Variants in CPEB3 observed in about 807,000 individuals in gnomAD.
CPEB3 encodes cytoplasmic polyadenylation element-binding protein 3.
Under a neutral mutation model 67.2 loss-of-function variants are expected in CPEB3, and 20 were observed. The ratio of observed to expected loss-of-function variants is 0.30; its 90% CI spans 0.21 to 0.43. CPEB3 has a LOEUF of 0.43. Ranked by LOEUF, CPEB3 falls within the 20% of genes least tolerant of loss-of-function variation. CPEB3 has a pLI of 1.00. For synonymous variants in CPEB3, 376 were observed against 393.1 expected (o/e 0.96, Z 0.51); for missense variants, 746 against 968.6 (o/e 0.77, Z 3.05).
At chr10:92,143,682 C>A (rs1386577901) in intron 5 of CPEB3, among the ~76,000 whole-genome samples, 1 of 152,102 alleles carries the variant, frequency 6.6e-6, no homozygotes, top group Non-Finnish European at 1.5e-5. Flanking sequence ...TAGATCAATA[C>A]ATTTATATTT....
chr10:92,130,767 A>G (rs994408157), intron 6 of CPEB3, among the ~76,000 whole-genome samples: 1 of 152,100 alleles, frequency 6.6e-6, no homozygotes, highest in Non-Finnish European at 1.5e-5. Flanking sequence ...ATCTGCACCA[A>G]GGTAAACTTG....
chr10:92,118,759 A>T (rs1845170703), intron 6 of CPEB3: 1 of 753,512 alleles, frequency 1.3e-6, no homozygotes, highest in African/African-American at 1.7e-5. Flanking sequence ...CCACAGGCAA[A>T]CAAGAGATGG....
chr10:92,228,859 G>A (rs1467925466), intron 2 of CPEB3, among the ~76,000 whole-genome samples: 2 of 136,804 alleles, frequency 1.5e-5, no homozygotes, highest in Non-Finnish European at 3.2e-5. Flanking sequence ...GATTACAGGT[G>A]CATGCCACCA....
At chr10:92,282,187 A>T (rs1842325472) in intron 1 of CPEB3, among the ~76,000 whole-genome samples, 1 of 152,222 alleles carries the variant, frequency 6.6e-6, no homozygotes, top group Non-Finnish European at 1.5e-5. Context: ...AATGAAAAGT[A>T]ATGGGTCTCC....
intron 2 of CPEB3, among the ~76,000 whole-genome samples, chr10:92,211,309 A>C (rs577102727): frequency 2.6e-5 from 4 of 152,186 alleles, no homozygotes; most frequent in Non-Finnish European, 5.9e-5. Flanking sequence ...GAAAACTCTT[A>C]CATTGTCTTT....
chr10:92,235,850 T>C (rs1274386973), intron 2 of CPEB3, among the ~76,000 whole-genome samples: 2 of 152,228 alleles, frequency 1.3e-5, no homozygotes, highest in African/African-American at 2.4e-5. Flanking sequence ...GAATAGGTGC[T>C]CTCAAAAGTC....
chr10:92,239,445 C>A lies in CPEB3; in HGVS notation c.906G>T (p.Ala302=). 3 of 1,599,932 alleles carry A rather than the reference C, an allele frequency of 1.9e-6. No individual in the cohort carries two copies. The highest frequency in any genetic ancestry group is 1.3e-5 in the African/African-American group (1 of 74,936). The part of the protein sequence containing the change: ...LKKPFSSNVI[A]PPKFPRAAPL... The stretch of plus-strand genomic sequence containing the variant: ...GGGCCGCGCGAGGGAACTTGGGCGG[C>A]GCGATCACGTTGCTGGAGAAGGGCT... The change falls in exon 2 of 10, where the codon GCG becomes GCT. Residue 302 remains alanine, a synonymous_variant. Transcript: ENST00000265997. This position sits in a 1 kb window ranked among gnomAD's most constrained non-coding sequence, Gnocchi z 6.0.
chr10:92,250,055 A>C (rs1370917761), intron 1 of CPEB3, among the ~76,000 whole-genome samples: 2 of 151,228 alleles, frequency 1.3e-5, no homozygotes, highest in Non-Finnish European at 2.9e-5. Flanking sequence ...ATAGCTATAC[A>C]ATATATTTTT....
intron 2 of CPEB3, among the ~76,000 whole-genome samples, chr10:92,207,116 G>A (rs1849829673): frequency 6.6e-6 from 1 of 152,054 alleles, no homozygotes; most frequent in South Asian, 2.1e-4. Context: ...CTGAGTAGCT[G>A]GGACCACAGG....
chr10:92,205,370 T>G (rs1486035662), intron 2 of CPEB3, among the ~76,000 whole-genome samples: 1 of 152,032 alleles, frequency 6.6e-6, no homozygotes, highest in South Asian at 2.1e-4. Flanking sequence ...CTGATGAGTA[T>G]CTCATTGGAT....
chr10:92,144,795 T>C (rs898213101), intron 5 of CPEB3, 150 bp downstream of exon 5: 11 of 651,424 alleles, frequency 1.7e-5, no homozygotes, highest in African/African-American at 1.1e-4. Context: ...AGTACAATAA[T>C]AGACTACCAC....
Position 92,239,879 on chromosome 10 carries a change from C to T in CPEB3, c.472G>A (p.Ala158Thr). Residue 158 changes from alanine to threonine, a missense_variant, in exon 2 of 10, where the codon GCG becomes ACG. Coordinates refer to ENST00000265997, the MANE Select transcript of CPEB3 (RefSeq NM_014912.5). This position sits in a 1 kb window ranked among gnomAD's most constrained non-coding sequence, Gnocchi z 6.0. ...GGTFSPQIGLAQTQHHQQPPP... is the reference protein window; with the variant it reads ...GGTFSPQIGLTQTQHHQQPPP... Reference sequence around the variant, plus strand: ...GGCTGCTGGTGGTGCTGGGTCTGCGCCAGGCCGATCTGCGGGGAGAAAGTG... The same window carrying T: ...GGCTGCTGGTGGTGCTGGGTCTGCGTCAGGCCGATCTGCGGGGAGAAAGTG... 1 of 1,608,982 alleles carries T rather than the reference C, an allele frequency of 6.2e-7. No individual in the cohort carries two copies. The highest frequency in any genetic ancestry group is 2.2e-5 in the East Asian group (1 of 44,604).
At chr10:92,073,798 G>C (rs1033555820) in intron 9 of CPEB3, among the ~76,000 whole-genome samples, 1 of 152,100 alleles carries the variant, frequency 6.6e-6, no homozygotes, top group Non-Finnish European at 1.5e-5. Flanking sequence ...AAAAAAGACA[G>C]CTCTGCCCTC....
chr10:92,132,386 A>T (rs1845882680), intron 6 of CPEB3, among the ~76,000 whole-genome samples: 1 of 152,210 alleles, frequency 6.6e-6, no homozygotes, highest in Non-Finnish European at 1.5e-5. Flanking sequence ...CCAAAACAAG[A>T]TGTCAATGTC....
At chr10:92,155,228 C>T (rs527609129) in intron 4 of CPEB3, among the ~76,000 whole-genome samples, 1 of 152,186 alleles carries the variant, frequency 6.6e-6, no homozygotes, top group East Asian at 1.9e-4. Context: ...AAAAAGTTTA[C>T]CAACATGTTT....
chr10:92,110,926 AC>A, intron 7 of CPEB3, 149 bp downstream of exon 7: 1 of 690,596 alleles, frequency 1.4e-6, no homozygotes, highest in Non-Finnish European at 2.6e-6. Context: ...GTTTCCCATC[AC>A]CAACGAAAGT....
chr10:92,065,467 C>T (rs1444029160), intron 9 of CPEB3, among the ~76,000 whole-genome samples: 2 of 152,086 alleles, frequency 1.3e-5, no homozygotes, highest in East Asian at 1.9e-4. Flanking sequence ...GTGATCTGCC[C>T]GCTTTGGCCT....
At chr10:92,094,474 C>A (rs1046803382) in intron 7 of CPEB3, among the ~76,000 whole-genome samples, 18 of 151,812 alleles carry the variant, frequency 1.2e-4, no homozygotes, top group Non-Finnish European at 2.9e-5. Flanking sequence ...TGGTAGCGGG[C>A]GCCTGTGGTC....
chr10:92,276,559 G>A (rs1161742457), intron 1 of CPEB3, among the ~76,000 whole-genome samples: 1 of 151,848 alleles, frequency 6.6e-6, no homozygotes, highest in Non-Finnish European at 1.5e-5. Context: ...AATTACAGGC[G>A]TGAGCCACCA....
Sources: gnomAD v4.1 joint callset for allele counts (sites outside exome capture counted in the v4.1 genomes callset) on GRCh38, gnomAD v4.1.1 for gene constraint, Gnocchi (gnomAD v3.1) non-coding constraint, MANE v1.5 for transcripts, NCBI Gene and HGNC (gene_info 2026-07-23, HGNC 2026-07-21) for gene names.